BANK1: variants seen among roughly 807,000 people sequenced by gnomAD.
BANK1 encodes B cell scaffold protein with ankyrin repeats 1.
A neutral mutation model predicts 94.5 loss-of-function variants in BANK1; 95 were observed. That is an observed-to-expected ratio of 1.00 (90% CI 0.85 to 1.19). The LOEUF (loss-of-function observed/expected upper bound fraction) is 1.19. Ranked by LOEUF, BANK1 falls within the 50% of genes most tolerant of loss-of-function variation. The pLI, the probability that BANK1 is intolerant of heterozygous loss-of-function variation, is 0.00. For synonymous variants in BANK1, 334 were observed against 308.4 expected, an observed-to-expected ratio of 1.08 and a Z score of -0.87; for missense variants, 987 against 932.2, an observed-to-expected ratio of 1.06 and a Z score of -0.77.
chr4:101,915,540 T>G (rs980403869), intron 6 of BANK1, among the ~76,000 whole-genome samples: 1 of 152,088 alleles, frequency 6.6e-6, no homozygotes, highest in Non-Finnish European at 1.5e-5. Context: ...TTGAGACAAT[T>G]AACAAGAGAA....
intron 7 of BANK1, among the ~76,000 whole-genome samples, chr4:101,924,060 C>G (rs538233729): frequency 6.6e-6 from 1 of 151,690 alleles, no homozygotes; most frequent in Non-Finnish European, 1.5e-5. Context: ...ACGCTTTGCA[C>G]AGGTTGTATG....
intron 9 of BANK1, among the ~76,000 whole-genome samples, chr4:102,028,540 T>G (rs1727178910): frequency 6.6e-6 from 1 of 152,118 alleles, no homozygotes; most frequent in Non-Finnish European, 1.5e-5. Flanking sequence ...CCCTTTTAAG[T>G]TTTTCCACTA....
chr4:102,062,108 TGTTTGTATCC>T (rs1422216649), intron 12 of BANK1: 3 of 152,220 alleles, frequency 2.0e-5, no homozygotes, highest in Non-Finnish European at 2.9e-5. Context: ...GAAAAGTATT[TGTTTGTATCC>T]TATGAATATA....
intron 6 of BANK1, among the ~76,000 whole-genome samples, chr4:101,910,301 C>A (rs1409328764): frequency 6.6e-6 from 1 of 152,162 alleles, no homozygotes; most frequent in East Asian, 1.9e-4. Flanking sequence ...TGATTGGCAT[C>A]ATTGTTATGT....
intron 4 of BANK1, among the ~76,000 whole-genome samples, chr4:101,868,166 T>C (rs942763796): frequency 6.6e-6 from 1 of 151,994 alleles, no homozygotes; most frequent in African/African-American, 2.4e-5. Flanking sequence ...ATTGCGGTTT[T>C]GCAAATGGCA....
intron 7 of BANK1, among the ~76,000 whole-genome samples, chr4:101,925,249 T>G (rs1440734469): frequency 6.6e-6 from 1 of 151,800 alleles, no homozygotes; most frequent in Non-Finnish European, 1.5e-5. Context: ...TTCCCACTGT[T>G]CTCAGATATA....
chr4:101,823,307 T>G (rs1200440595), intron 1 of BANK1, among the ~76,000 whole-genome samples: 1 of 152,232 alleles, frequency 6.6e-6, no homozygotes, highest in Non-Finnish European at 1.5e-5. Flanking sequence ...ATATAAATCA[T>G]GTAGACAATA....
At chr4:101,978,648 G>T (rs547122737) in intron 7 of BANK1, among the ~76,000 whole-genome samples, 1 of 151,902 alleles carries the variant, frequency 6.6e-6, no homozygotes, top group East Asian at 1.9e-4. Flanking sequence ...GGAAAACTTA[G>T]GTATCAGTGA....
intron 7 of BANK1, among the ~76,000 whole-genome samples, chr4:101,975,597 C>T (rs1171180869): frequency 1.3e-5 from 2 of 152,240 alleles, no homozygotes; most frequent in South Asian, 2.1e-4. Context: ...AATAAAATCA[C>T]CACCTTCATA....
chr4:102,069,444 T>G (rs1728689376), intron 13 of BANK1, among the ~76,000 whole-genome samples: 2 of 152,164 alleles, frequency 1.3e-5, no homozygotes, highest in African/African-American at 4.8e-5. Flanking sequence ...ACATAAAAAG[T>G]ATAATGAATT....
chr4:101,920,554 G>A (rs1722969456), intron 7 of BANK1, among the ~76,000 whole-genome samples: 2 of 151,922 alleles, frequency 1.3e-5, no homozygotes, highest in South Asian at 4.1e-4. Flanking sequence ...CCTCACAAAT[G>A]CATTCAAATT....
chr4:101,986,306 T>C (rs1725480239), intron 7 of BANK1, among the ~76,000 whole-genome samples: 1 of 152,028 alleles, frequency 6.6e-6, no homozygotes, highest in Non-Finnish European at 1.5e-5. Context: ...GAATAGACCT[T>C]CTTAATTACA....
At chr4:101,856,254 T>C (rs1417413092) in intron 3 of BANK1, among the ~76,000 whole-genome samples, 1 of 152,192 alleles carries the variant, frequency 6.6e-6, no homozygotes, top group Non-Finnish European at 1.5e-5. Flanking sequence ...TTTAAGCTAT[T>C]TGCTGTCAGT....
At chr4:102,059,337 G>GAAAT (rs977436017) in intron 11 of BANK1, among the ~76,000 whole-genome samples, 18 of 152,236 alleles carry the variant, frequency 1.2e-4, no homozygotes, top group South Asian at 6.2e-4. Flanking sequence ...TACCCCTCCT[G>GAAAT]AAATAATACA....
rs78336543 is a variant in BANK1, at chr4:101,806,445, G to A, written c.70+15495G>A. Among the ~76,000 whole-genome samples, 181 of 152,246 alleles carry A rather than the reference G, an allele frequency of 1.2e-3. 1 individual carries two copies. The highest frequency in any genetic ancestry group is 1.9e-3 in the Non-Finnish European group (130 of 68,006). ...CTATTAATTAATCTACAGAAAGACT[G>A]AGTAGTTCTTAATAACATAGAAATA... On this transcript the variant is annotated intron_variant, in intron 1 of 16. Transcript: ENST00000322953.
intron 4 of BANK1, among the ~76,000 whole-genome samples, chr4:101,867,765 TATAAATAA>T (rs59989392): frequency 9.5e-5 from 14 of 147,640 alleles, no homozygotes; most frequent in South Asian, 6.3e-4. Context: ...AAAAAATAAA[TATAAATAA>T]ATAAATAAAT....
At chr4:102,010,522 A>C (rs548354926) in intron 7 of BANK1, among the ~76,000 whole-genome samples, 7 of 149,524 alleles carry the variant, frequency 4.7e-5, no homozygotes, top group Admixed American at 1.3e-4. Flanking sequence ...CCTCCCAAGT[A>C]GCTGAGATTA....
intron 6 of BANK1, among the ~76,000 whole-genome samples, chr4:101,898,581 A>G (rs981410327): frequency 6.6e-6 from 1 of 152,084 alleles, no homozygotes; most frequent in Admixed American, 6.6e-5. Context: ...TTGAAAAAGT[A>G]TACATTAAGA....
intron 6 of BANK1, among the ~76,000 whole-genome samples, chr4:101,896,540 C>G (rs1339913878): frequency 1.3e-5 from 2 of 151,862 alleles, no homozygotes; most frequent in Non-Finnish European, 2.9e-5. Flanking sequence ...GGTATGCTAA[C>G]TGTGAATAAG....
Sources: gnomAD v4.1 joint callset for allele counts (sites outside exome capture counted in the v4.1 genomes callset) on GRCh38, gnomAD v4.1.1 for gene constraint, MANE v1.5 for transcripts, NCBI Gene and HGNC (gene_info 2026-07-23, HGNC 2026-07-21) for gene names.